The following GLIS3 variants were observed in gnomAD, a reference collection of about 807,000 sequenced individuals.
GLIS3 encodes zinc finger protein GLIS3.
In GLIS3, 53 loss-of-function variants were observed where a neutral mutation model predicts 78.6. That is an observed-to-expected ratio of 0.67 (90% CI 0.54 to 0.85). The LOEUF (loss-of-function observed/expected upper bound fraction) is 0.85. Among genes scored for constraint, GLIS3 ranks in the 40% least tolerant of loss-of-function variants. The probability of loss-of-function intolerance (pLI) is 0.00; values close to 1 mark genes in which losing one functional copy is unlikely to be tolerated. For missense variants in GLIS3, 1,703 were observed against 1,231.1 expected (o/e 1.38, Z -5.74); for synonymous variants, 684 against 509.9 (o/e 1.34, Z -4.60).
chr9:4,210,342 G>C (rs1371417830), intron 2 of GLIS3, among the ~76,000 whole-genome samples: 1 of 152,210 alleles, frequency 6.6e-6, no homozygotes. Context: ...TATCAGCGAA[G>C]TTCAGCATCC....
chr9:3,982,643 T>C (rs1819398799), intron 4 of GLIS3, among the ~76,000 whole-genome samples: 1 of 152,236 alleles, frequency 6.6e-6, no homozygotes, highest in Non-Finnish European at 1.5e-5. Context: ...TAAGATCCTT[T>C]CTGTTTCTGG....
chr9:4,333,597 G>C (rs902076372), intron 2 of GLIS3, among the ~76,000 whole-genome samples: 2 of 152,100 alleles, frequency 1.3e-5, no homozygotes, highest in African/African-American at 4.8e-5. Context: ...GTTCAGAAAA[G>C]TGACCTATTC....
At chr9:4,240,927 TTAGA>T (rs1823245587) in intron 2 of GLIS3, among the ~76,000 whole-genome samples, 2 of 143,564 alleles carry the variant, frequency 1.4e-5, no homozygotes, top group African/African-American at 2.6e-5. Flanking sequence ...AAAGAGAACT[TTAGA>T]TACTCTTAAG....
chr9:4,266,148 G>T (rs985863118), intron 2 of GLIS3, among the ~76,000 whole-genome samples: 4 of 151,684 alleles, frequency 2.6e-5, no homozygotes, highest in Non-Finnish European at 1.5e-5. Flanking sequence ...TCGATCTCCT[G>T]ACCTCATGAT....
chr9:4,039,225 T>C (rs1239526166), intron 4 of GLIS3, among the ~76,000 whole-genome samples: 1 of 152,168 alleles, frequency 6.6e-6, no homozygotes, highest in African/African-American at 2.4e-5. Flanking sequence ...CCTACATATT[T>C]ATTCATAAAG....
At chr9:3,980,357 C>A (rs980050507) in intron 4 of GLIS3, among the ~76,000 whole-genome samples, 1 of 152,182 alleles carries the variant, frequency 6.6e-6, no homozygotes, top group South Asian at 2.1e-4. Flanking sequence ...TCACACTCGA[C>A]GTAAGTGGCA....
chr9:4,182,126 CTATAAGGA>C (rs1817382817), intron 2 of GLIS3, among the ~76,000 whole-genome samples: 2 of 152,142 alleles, frequency 1.3e-5, no homozygotes, highest in Admixed American at 1.3e-4. Flanking sequence ...AAAATGGTTC[CTATAAGGA>C]CCGTTTTTTC....
intron 1 of GLIS3, among the ~76,000 whole-genome samples, chr9:4,296,654 G>C (rs1247984536): frequency 6.6e-6 from 1 of 152,148 alleles, no homozygotes; most frequent in Non-Finnish European, 1.5e-5. Flanking sequence ...AAGGGGAGAA[G>C]TTAACAGCAG....
At chr9:3,904,459 T>C (rs1050403370) in intron 6 of GLIS3, among the ~76,000 whole-genome samples, 3 of 152,154 alleles carry the variant, frequency 2.0e-5, no homozygotes, top group African/African-American at 7.2e-5. Flanking sequence ...TTGAAATTAT[T>C]ATCTCTCTCC....
At chr9:4,361,705 A>G in the GLIS3 span, among the ~76,000 whole-genome samples, 1 of 152,246 alleles carries the variant, frequency 6.6e-6, no homozygotes, top group African/African-American at 2.4e-5. Context: ...CCTCGCAAAT[A>G]TAAAGGGAAG....
intron 2 of GLIS3, among the ~76,000 whole-genome samples, chr9:4,200,463 G>T (rs1293238182): frequency 6.6e-6 from 1 of 152,020 alleles, no homozygotes; most frequent in Non-Finnish European, 1.5e-5. Flanking sequence ...AATCAGAAAT[G>T]ATAAACGCAA....
intron 4 of GLIS3, among the ~76,000 whole-genome samples, chr9:3,944,321 G>C (rs1381234837): frequency 6.6e-6 from 1 of 152,184 alleles, no homozygotes; most frequent in African/African-American, 2.4e-5. Context: ...AAAGGTTCTG[G>C]GGACAAATGG....
chr9:4,407,516 G>C, the GLIS3 span, among the ~76,000 whole-genome samples: 6 of 152,202 alleles, frequency 3.9e-5, no homozygotes, highest in African/African-American at 1.4e-4. Context: ...GCGTGGTGGC[G>C]GGCGCCTGTA....
intron 4 of GLIS3, among the ~76,000 whole-genome samples, chr9:3,940,080 G>A (rs895380456): frequency 6.6e-6 from 1 of 152,116 alleles, no homozygotes; most frequent in East Asian, 1.9e-4. Context: ...CATATATTAT[G>A]GGAATAACCC....
At chr9:4,277,261 A>C (rs1827112797) in intron 2 of GLIS3, among the ~76,000 whole-genome samples, 1 of 152,192 alleles carries the variant, frequency 6.6e-6, no homozygotes, top group Non-Finnish European at 1.5e-5. Flanking sequence ...TAACATTTTA[A>C]ATCAGTGTAT....
At chr9:3,881,794 AG>A (rs945272216) in intron 7 of GLIS3, among the ~76,000 whole-genome samples, 4 of 152,206 alleles carry the variant, frequency 2.6e-5, no homozygotes, top group African/African-American at 9.6e-5. Context: ...AATTTAATGA[AG>A]GGAGCAGACC....
At chr9:4,421,086 ACT>A in the GLIS3 span, among the ~76,000 whole-genome samples, 1 of 152,258 alleles carries the variant, frequency 6.6e-6, no homozygotes, top group Admixed American at 6.5e-5. Context: ...CTTCACCAGC[ACT>A]GAGTTTCCCT....
chr9:4,211,561 G>T (rs952749155), intron 2 of GLIS3, among the ~76,000 whole-genome samples: 1 of 152,358 alleles, frequency 6.6e-6, no homozygotes, highest in South Asian at 2.1e-4. Context: ...AAGGGCTGCC[G>T]CATGCATTCT....
intron 2 of GLIS3, among the ~76,000 whole-genome samples, chr9:4,311,359 A>C (rs370939543): frequency 1.3e-5 from 2 of 152,232 alleles, no homozygotes; most frequent in East Asian, 1.9e-4. Flanking sequence ...CAGTGAGTTG[A>C]GATAGCACCA....
Sources: gnomAD v4.1 joint callset for allele counts (sites outside exome capture counted in the v4.1 genomes callset) on GRCh38, gnomAD v4.1.1 for gene constraint, MANE v1.5 for transcripts, NCBI Gene and HGNC (gene_info 2026-07-23, HGNC 2026-07-21) for gene names.